Variants in RASA2 observed in about 807,000 individuals in gnomAD.
RASA2 encodes the protein ras GTPase-activating protein 2.
In RASA2, 155 loss-of-function variants were observed where a neutral mutation model predicts 118.2. The ratio of observed to expected loss-of-function variants is 1.31; its 90% CI spans 1.15 to 1.50. The LOEUF is 1.50. Ranked by LOEUF, RASA2 falls within the 40% of genes most tolerant of loss-of-function variation. RASA2 has a pLI of 0.00. For synonymous variants in RASA2, 353 were observed against 349.1 expected, an observed-to-expected ratio of 1.01 and a Z score of -0.12; for missense variants, 1,016 against 1,009.6, an observed-to-expected ratio of 1.01 and a Z score of -0.09.
chr3:141,514,063 TG>T (rs1177481804), intron 2 of RASA2, among the ~76,000 whole-genome samples: 1 of 152,142 alleles, frequency 6.6e-6, no homozygotes, highest in Non-Finnish European at 1.5e-5. Flanking sequence ...AGATGAAAAT[TG>T]GTAAATTAGA....
At chr3:141,581,047 T>C in intron 16 of RASA2, 53 bp from the exon 17 acceptor site, 1 of 1,440,184 alleles carries the variant, frequency 6.9e-7, no homozygotes. Context: ...CAGTCCATTC[T>C]ATTCTTAATT....
Position 141,613,174 on chromosome 3 carries a change from G to A in RASA2, c.*861G>A, listed in dbSNP as rs2083678175. 1 of 152,076 alleles carries A rather than the reference G, an allele frequency of 6.6e-6. No homozygotes were observed. The highest frequency in any genetic ancestry group is 2.1e-4 in the South Asian group (1 of 4,824). The allele number at this position is 152,076 out of a possible 1,614,324, so 9.4% of individuals were successfully genotyped here. On this transcript the variant is annotated 3_prime_UTR_variant, in exon 24 of 24. Coordinates refer to ENST00000286364, the MANE Select transcript of RASA2 (RefSeq NM_006506.5). ...CCCACTATTTCATGTTGTAATAAGG[G>A]CCACCATAAGGATGCCCTCCTCATA...
intron 13 of RASA2, 126 bp downstream of exon 13, chr3:141,573,347 T>G (rs1577764150): frequency 2.0e-6 from 2 of 1,002,374 alleles, no homozygotes; most frequent in East Asian, 6.9e-5. Context: ...ACATAAGCCT[T>G]TATTATTAGC....
intron 9 of RASA2, among the ~76,000 whole-genome samples, chr3:141,565,160 A>G (rs1361354172): frequency 6.6e-6 from 1 of 151,728 alleles, no homozygotes; most frequent in African/African-American, 2.4e-5. Flanking sequence ...TAATTTTTGT[A>G]TTTTGGTAGA....
In RASA2 at chr3:141,577,038, G is replaced by A; in HGVS notation, c.1522G>A (p.Val508Ile). 2 of 1,611,578 alleles carry A rather than the reference G, an allele frequency of 1.2e-6. No homozygotes were observed. Among genetic ancestry groups the A allele is most frequent in the Non-Finnish European group, 1.7e-6 (2 of 1,178,706 alleles). Residue 508 changes from valine to isoleucine, a missense_variant, in exon 15 of 24, where the codon GTA becomes ATA. Coordinates refer to ENST00000286364, the MANE Select transcript of RASA2 (RefSeq NM_006506.5). Reference sequence around the variant, plus strand: ...TCAGTATTCTGCAGTGAGCAGCTTTGTATTTCTTCGTTTCTTTGCTGTAGC... The same window carrying A: ...TCAGTATTCTGCAGTGAGCAGCTTTATATTTCTTCGTTTCTTTGCTGTAGC... ...HVQYSAVSSF[V>I]FLRFFAVAVV...
chr3:141,592,869 T>G (rs2083308366), intron 19 of RASA2, among the ~76,000 whole-genome samples: 1 of 149,502 alleles, frequency 6.7e-6, no homozygotes. Flanking sequence ...AGTATAAAAC[T>G]GAACTTGAAA....
chr3:141,592,725 G>A (rs1282957427), intron 19 of RASA2, among the ~76,000 whole-genome samples: 1 of 152,194 alleles, frequency 6.6e-6, no homozygotes, highest in East Asian at 1.9e-4. Context: ...GTTAGATACT[G>A]GGAGTGAGAG....
At chr3:141,575,468 C>G (rs2082995231) in intron 14 of RASA2, among the ~76,000 whole-genome samples, 1 of 152,226 alleles carries the variant, frequency 6.6e-6, no homozygotes, top group Non-Finnish European at 1.5e-5. Context: ...ATGATAACCA[C>G]ATTGACTACT....
chr3:141,560,545 A>G (rs553404181), intron 9 of RASA2, among the ~76,000 whole-genome samples: 1 of 152,316 alleles, frequency 6.6e-6, no homozygotes, highest in East Asian at 1.9e-4. Flanking sequence ...GTTTTCAATA[A>G]TGACTATAAT....
At chr3:141,604,964 G>T (rs1172977706) in intron 19 of RASA2, among the ~76,000 whole-genome samples, 1 of 151,134 alleles carries the variant, frequency 6.6e-6, no homozygotes, top group Non-Finnish European at 1.5e-5. Context: ...AAAAAAAAAT[G>T]TCTTTTCCCC....
At chr3:141,492,462 C>G (rs1033303524) in intron 1 of RASA2, among the ~76,000 whole-genome samples, 1 of 151,862 alleles carries the variant, frequency 6.6e-6, no homozygotes, top group African/African-American at 2.4e-5. Flanking sequence ...ATCAAAAACC[C>G]CTATCTAAAG....
chr3:141,547,499 G>T (rs1429935261), intron 5 of RASA2, among the ~76,000 whole-genome samples: 2 of 152,018 alleles, frequency 1.3e-5, no homozygotes, highest in African/African-American at 4.8e-5. Context: ...TTTTCAAATT[G>T]TTCACTGTTG....
intron 12 of RASA2, 49 bp downstream of exon 12, chr3:141,572,772 G>T (rs748220413): frequency 2.2e-6 from 3 of 1,357,924 alleles, no homozygotes; most frequent in Admixed American, 4.2e-5. Flanking sequence ...TATGATAGTT[G>T]TTCTTTTATC....
intron 7 of RASA2, among the ~76,000 whole-genome samples, chr3:141,558,681 A>G (rs1273028829): frequency 2.1e-5 from 3 of 139,578 alleles, no homozygotes; most frequent in Admixed American, 1.4e-4. Context: ...ACAAGCTGGT[A>G]TTATTTTGAT....
intron 17 of RASA2, among the ~76,000 whole-genome samples, chr3:141,584,307 G>A (rs1391132832): frequency 2.2e-4 from 31 of 143,912 alleles, no homozygotes; most frequent in African/African-American, 7.1e-4. Context: ...CTCCAGCCTG[G>A]GCGACAGAAC....
At chr3:141,549,303 T>C (rs1447567749) in intron 5 of RASA2, among the ~76,000 whole-genome samples, 1 of 152,152 alleles carries the variant, frequency 6.6e-6, no homozygotes, top group Non-Finnish European at 1.5e-5. Flanking sequence ...CTCTCCTACA[T>C]GGTTCTCACC....
At chr3:141,610,482 T>TATATATATATATTA (rs2083632703) in intron 23 of RASA2, among the ~76,000 whole-genome samples, 1 of 131,398 alleles carries the variant, frequency 7.6e-6, no homozygotes, top group African/African-American at 2.9e-5. Context: ...TATATAAATA[T>TATATATATATATTA]ATATATATAT....
intron 15 of RASA2, among the ~76,000 whole-genome samples, chr3:141,580,036 A>G (rs2107768248): frequency 7.2e-6 from 1 of 139,274 alleles, no homozygotes; most frequent in East Asian, 2.2e-4. Context: ...AGCCTGGGCA[A>G]CAGAGTGAGA....
chr3:141,606,101 G>A (rs1164471667), intron 19 of RASA2, among the ~76,000 whole-genome samples: 1 of 152,164 alleles, frequency 6.6e-6, no homozygotes, highest in African/African-American at 2.4e-5. Flanking sequence ...TCATCCTGAT[G>A]TATGTCTGAG....
Sources: gnomAD v4.1 joint callset for allele counts (sites outside exome capture counted in the v4.1 genomes callset) on GRCh38, gnomAD v4.1.1 for gene constraint, MANE v1.5 for transcripts, NCBI Gene and HGNC (gene_info 2026-07-23, HGNC 2026-07-21) for gene names.